Variants in RPTOR observed in about 807,000 individuals in gnomAD.
RPTOR encodes the protein regulatory-associated protein of mTOR.
A neutral mutation model predicts 169.9 loss-of-function variants in RPTOR; 21 were observed. The ratio of observed to expected loss-of-function variants is 0.12; its 90% CI spans 0.09 to 0.18. The LOEUF is 0.18. RPTOR is among the 10% of genes least tolerant of loss of function. The pLI is 1.00. For synonymous variants in RPTOR, 732 were observed against 753.2 expected, an observed-to-expected ratio of 0.97 and a Z score of 0.46; for missense variants, 1,133 against 1,855.9, an observed-to-expected ratio of 0.61 and a Z score of 7.16.
chr17:80,803,819 A>G lies in RPTOR; in HGVS notation c.890+12310A>G, dbSNP rs557729997. Reference sequence around the variant, plus strand: ...TGTGATCGCACACAAGAGTGCCTGGATGCTTCTTTGATTGGGCAGCCTGAT... The same window carrying G: ...TGTGATCGCACACAAGAGTGCCTGGGTGCTTCTTTGATTGGGCAGCCTGAT... On this transcript the variant is annotated intron_variant, in intron 7 of 33. Transcript: ENST00000306801. This position sits in a 1 kb window ranked among gnomAD's most constrained non-coding sequence, Gnocchi z 6.2. 1.3e-5 allele frequency: 2 copies of G among 152,358 alleles called. No homozygotes were observed. Among genetic ancestry groups the G allele is most frequent in the South Asian group, 4.2e-4 (2 of 4,816 alleles). 9.4% of individuals were successfully genotyped at this position (152,358 alleles called of 1,614,324 possible).
chr17:80,746,323 C>T lies in RPTOR; in HGVS notation c.655-7687C>T, dbSNP rs1021011144. 1.3e-5 allele frequency among the ~76,000 whole-genome samples: 2 copies of T among 148,414 alleles called. No homozygotes were observed. Among genetic ancestry groups the T allele is most frequent in the African/African-American group, 2.5e-5 (1 of 40,340 alleles). On this transcript the variant is annotated intron_variant, in intron 5 of 33. Coordinates refer to ENST00000306801, the MANE Select transcript of RPTOR (RefSeq NM_020761.3). This position sits in a 1 kb window ranked among gnomAD's most constrained non-coding sequence, Gnocchi z 4.5. Reference sequence around the variant, plus strand: ...CGGGTGATCCCCACCGCCCCCACAGCGGTGCTTTCTGCGGGTGATCCCCAC... The same window carrying T: ...CGGGTGATCCCCACCGCCCCCACAGTGGTGCTTTCTGCGGGTGATCCCCAC...
chr17:80,964,194 C>G, intron 33 of RPTOR, 68 bp from the exon 34 acceptor site: 7 of 1,106,354 alleles, frequency 6.3e-6, no homozygotes, highest in Non-Finnish European at 8.1e-6. Flanking sequence ...GGTTGGCCTG[C>G]GCCCCCCCGC....
chr17:80,767,655 T>C (rs961307274), intron 6 of RPTOR, among the ~76,000 whole-genome samples: 4 of 152,198 alleles, frequency 2.6e-5, no homozygotes, highest in African/African-American at 9.6e-5. Context: ...ACAGACAACC[T>C]TTGTGAAATG....
At chr17:80,830,852 G>A (rs1392609829) in intron 9 of RPTOR, among the ~76,000 whole-genome samples, 3 of 151,802 alleles carry the variant, frequency 2.0e-5, no homozygotes, top group African/African-American at 7.3e-5. Context: ...CCAGGGTCAA[G>A]CAATCCTCTC....
chr17:80,739,190 A>G (rs62067925), intron 5 of RPTOR, among the ~76,000 whole-genome samples: 83,289 of 151,424 alleles, frequency 0.55, 23,157 homozygotes, highest in African/African-American at 0.59. Flanking sequence ...CCCGACGCGG[A>G]GGCAGATGTC....
At chr17:80,607,623 A>G in intron 1 of RPTOR, among the ~76,000 whole-genome samples, 1 of 149,396 alleles carries the variant, frequency 6.7e-6, no homozygotes. Flanking sequence ...ATATATAATT[A>G]TTTTTAAGTT....
intron 20 of RPTOR, among the ~76,000 whole-genome samples, chr17:80,894,136 G>T (rs2143880113): frequency 6.6e-6 from 1 of 152,300 alleles, no homozygotes; most frequent in South Asian, 2.1e-4. Context: ...AAGGCTGCCA[G>T]AACCTTCCAT....
chr17:80,583,182 GTTTTT>G (rs1166711662), intron 1 of RPTOR, among the ~76,000 whole-genome samples: 8 of 79,276 alleles, frequency 1.0e-4, no homozygotes, highest in African/African-American at 1.5e-4. Context: ...CCTCTTTCCT[GTTTTT>G]TTTTTTTTTT....
rs1417581650 is a variant in RPTOR at position 80,876,058 on chromosome 17, A to C, written c.1510-4357A>C. ...TGTGTGTGTCACCTGCTGGGTCTTC[A>C]CACCGAGCCCGTGCCACGCAGGGTG... is the stretch of plus-strand genomic sequence containing the variant. On this transcript the variant is annotated intron_variant, in intron 13 of 33. Transcript: ENST00000306801. Among the ~76,000 whole-genome samples the C allele has an allele frequency of 1.8e-3, 64 of 36,296 alleles. 1 individual carries two copies. In the East Asian group the frequency reaches 0.019, roughly 11 times the overall value. The allele number at this position is 36,296 out of a possible 152,430, so 23.8% of individuals were successfully genotyped here. A position where few individuals can be genotyped will look rare whatever the true frequency, so the allele number is the denominator to read the frequency against.
chr17:80,620,560 T>C (rs1241695405), intron 1 of RPTOR, among the ~76,000 whole-genome samples: 1 of 151,312 alleles, frequency 6.6e-6, no homozygotes, highest in East Asian at 1.9e-4. Flanking sequence ...AGGTCAGGAG[T>C]TCAAGACCAG....
In RPTOR at chr17:80,823,353, G is replaced by GTTA; in HGVS notation, c.1136+131_1136+132insTAT. 1.8e-6 allele frequency: 2 copies of GTTA among 1,130,030 alleles called. No individual in the cohort carries two copies. The highest frequency in any genetic ancestry group is 2.4e-6 in the Non-Finnish European group (2 of 824,768). The allele number at this position is 1,130,030 out of a possible 1,614,324, so 70.0% of individuals were successfully genotyped here. A position where few individuals can be genotyped will look rare whatever the true frequency, so the allele number is the denominator to read the frequency against. On this transcript the variant is annotated intron_variant, in intron 9 of 33. Coordinates refer to ENST00000306801, the MANE Select transcript of RPTOR (RefSeq NM_020761.3). The surrounding 1 kb of genome is among the most constrained non-coding windows in gnomAD (Gnocchi z 4.5). ...TGGGGACCCCGTGTAGCATTAACAA[G>GTTA]TGAAGCTAAATGCAGGGCTCCCAGA...
At chr17:80,557,339 G>T (rs996158736) in intron 1 of RPTOR, among the ~76,000 whole-genome samples, 1 of 152,008 alleles carries the variant, frequency 6.6e-6, no homozygotes, top group Admixed American at 6.6e-5. Context: ...GGTCAACATG[G>T]TGAAACACCC....
At chr17:80,758,046 T>C (rs1192252215) in intron 6 of RPTOR, among the ~76,000 whole-genome samples, 1 of 152,198 alleles carries the variant, frequency 6.6e-6, no homozygotes, top group Admixed American at 6.5e-5. Context: ...CGACTGTGTA[T>C]GTAATAAGAC....
At position 80,908,798 on chromosome 17, in the gene RPTOR, TTCTC is replaced by T; in HGVS notation, c.2402-6_2402-3del. 1 of 1,595,362 alleles carries T rather than the reference TTCTC, an allele frequency of 6.3e-7. No homozygotes were observed. Among genetic ancestry groups the T allele is most frequent in the Non-Finnish European group, 8.6e-7 (1 of 1,163,446 alleles). On this transcript the variant is annotated splice_polypyrimidine_tract_variant and intron_variant, in intron 20 of 33. Transcript: ENST00000306801. ...TACTTTCCACTAAAACATCTTCCAT[TTCTC>T]TCTCTCAGGAGTTTCCTTTAACAGT...
intron 7 of RPTOR, among the ~76,000 whole-genome samples, chr17:80,800,921 G>A (rs1415291202): frequency 6.6e-6 from 1 of 152,218 alleles, no homozygotes. Flanking sequence ...ACAATCCATT[G>A]TCGTGAATAA....
At chr17:80,622,986 C>T (rs1369784080) in intron 1 of RPTOR, among the ~76,000 whole-genome samples, 1 of 152,100 alleles carries the variant, frequency 6.6e-6, no homozygotes, top group African/African-American at 2.4e-5. Context: ...AAAATGCTTC[C>T]TTTTTCCTAT....
chr17:80,818,067 G>A (rs939926094), intron 7 of RPTOR, among the ~76,000 whole-genome samples: 2 of 152,220 alleles, frequency 1.3e-5, no homozygotes, highest in African/African-American at 4.8e-5. Flanking sequence ...TTGAGGAGGC[G>A]CGGGCCCTGT....
intron 7 of RPTOR, among the ~76,000 whole-genome samples, chr17:80,821,224 G>T (rs1175291688): frequency 6.6e-6 from 1 of 152,194 alleles, no homozygotes; most frequent in Non-Finnish European, 1.5e-5. Context: ...TTCAAGAGCG[G>T]CCTGGGCAAC....
At chr17:80,749,432 C>T (rs1445566756) in intron 5 of RPTOR, among the ~76,000 whole-genome samples, 1 of 77,644 alleles carries the variant, frequency 1.3e-5, no homozygotes, top group African/African-American at 5.1e-5. Context: ...GGAGGGGCTG[C>T]GGGGTGTGTT....
Sources: gnomAD v4.1 joint callset for allele counts (sites outside exome capture counted in the v4.1 genomes callset) on GRCh38, gnomAD v4.1.1 for gene constraint, Gnocchi (gnomAD v3.1) non-coding constraint, MANE v1.5 for transcripts, NCBI Gene and HGNC (gene_info 2026-07-23, HGNC 2026-07-21) for gene names.